ZNF423: variants seen among roughly 807,000 people sequenced by gnomAD.
ZNF423 encodes the protein zinc finger protein 423, also known as Ebf-associated zinc finger protein.
ZNF423 carries 12 observed loss-of-function variants against 95.8 expected under a neutral mutation model. The observed-to-expected ratio is 0.13, with a 90% CI of 0.08 to 0.20. ZNF423 has a LOEUF of 0.20. ZNF423 is among the 10% of genes least tolerant of loss of function. The probability of loss-of-function intolerance (pLI) is 1.00; values close to 1 mark genes in which losing one functional copy is unlikely to be tolerated. For missense variants in ZNF423, 1,316 were observed against 1,737.1 expected (o/e 0.76, Z 4.31); for synonymous variants, 749 against 711.9 (o/e 1.05, Z -0.83).
intron 5 of ZNF423, among the ~76,000 whole-genome samples, chr16:49,588,175 C>T (rs1474092696): frequency 6.6e-6 from 1 of 152,150 alleles, no homozygotes; most frequent in Admixed American, 6.5e-5. Context: ...AGTCTGAGAC[C>T]CTGTGAATCT....
intron 5 of ZNF423, among the ~76,000 whole-genome samples, chr16:49,613,924 G>A (rs1971799752): frequency 6.6e-6 from 1 of 151,592 alleles, no homozygotes; most frequent in South Asian, 2.1e-4. Flanking sequence ...TGCACCAAAG[G>A]TATAATCCAT....
intron 3 of ZNF423, among the ~76,000 whole-genome samples, chr16:49,687,279 A>G (rs2031601660): frequency 6.6e-6 from 1 of 151,794 alleles, no homozygotes; most frequent in Non-Finnish European, 1.5e-5. Flanking sequence ...ACAATTAGGA[A>G]AAACTCCCTC....
At chr16:49,593,008 C>G (rs1971059664) in intron 5 of ZNF423, among the ~76,000 whole-genome samples, 1 of 152,174 alleles carries the variant, frequency 6.6e-6, no homozygotes, top group Admixed American at 6.5e-5. Flanking sequence ...CTCACCCTCC[C>G]CAAACCAAAA....
At chr16:49,789,846 T>C (rs773488511) in intron 1 of ZNF423, among the ~76,000 whole-genome samples, 42 of 152,190 alleles carry the variant, frequency 2.8e-4, no homozygotes, top group Non-Finnish European at 1.2e-4. Flanking sequence ...ACCAATAAGG[T>C]TGCTCTCAGA....
chr16:49,752,112 T>G (rs1396541578), intron 2 of ZNF423, among the ~76,000 whole-genome samples: 1 of 152,242 alleles, frequency 6.6e-6, no homozygotes, highest in Non-Finnish European at 1.5e-5. Flanking sequence ...AGCAGAATTG[T>G]GTGGCCACAT....
chr16:49,678,188 T>C (rs1356757283), intron 3 of ZNF423, among the ~76,000 whole-genome samples: 1 of 152,182 alleles, frequency 6.6e-6, no homozygotes, highest in East Asian at 1.9e-4. Context: ...ATCTCAAAAA[T>C]AAAATAAAAT....
intron 3 of ZNF423, among the ~76,000 whole-genome samples, chr16:49,688,070 T>C (rs1405336395): frequency 5.1e-4 from 48 of 94,092 alleles, no homozygotes; most frequent in African/African-American, 1.5e-3. Flanking sequence ...TTTTTTTTTT[T>C]CGCAAGTCTC....
At chr16:49,526,198 G>A (rs1327784585) in intron 5 of ZNF423, among the ~76,000 whole-genome samples, 2 of 152,202 alleles carry the variant, frequency 1.3e-5, no homozygotes, top group Non-Finnish European at 2.9e-5. Flanking sequence ...AGCCCTGTCA[G>A]CCCCTGGAGG....
At chr16:49,684,924 T>A (rs752653241) in intron 3 of ZNF423, among the ~76,000 whole-genome samples, 9 of 152,076 alleles carry the variant, frequency 5.9e-5, no homozygotes, top group Non-Finnish European at 1.0e-4. Flanking sequence ...TTCCACGCAA[T>A]CTAGACAGCG....
intron 1 of ZNF423, among the ~76,000 whole-genome samples, chr16:49,789,781 C>T (rs923869100): frequency 6.6e-6 from 1 of 152,156 alleles, no homozygotes. Context: ...TATGGTTTCC[C>T]CAGCCCTGTG....
At chr16:49,815,953 C>A (rs2143993645) in intron 1 of ZNF423, among the ~76,000 whole-genome samples, 1 of 114,020 alleles carries the variant, frequency 8.8e-6, no homozygotes, top group South Asian at 3.1e-4. Flanking sequence ...AAGTCTCACT[C>A]TGTTGCCCAG....
At chr16:49,633,918 T>G (rs1206383068) in intron 4 of ZNF423, among the ~76,000 whole-genome samples, 1 of 152,030 alleles carries the variant, frequency 6.6e-6, no homozygotes, top group Non-Finnish European at 1.5e-5. Context: ...TCTTTCTTTT[T>G]TTTTTTGAGA....
At chr16:49,858,312 C>T (rs997487619), upstream of ZNF423, among the ~76,000 whole-genome samples, 1 of 150,940 alleles carries the variant, frequency 6.6e-6, no homozygotes, top group Non-Finnish European at 1.5e-5. The surrounding 1 kb of genome is among the most constrained non-coding windows in gnomAD (Gnocchi z 4.3). Flanking sequence ...GGGCCCGGCC[C>T]CGCTCAGCTC....
At chr16:49,773,063 A>G (rs1012190195) in intron 2 of ZNF423, among the ~76,000 whole-genome samples, 1 of 152,226 alleles carries the variant, frequency 6.6e-6, no homozygotes, top group Non-Finnish European at 1.5e-5. Flanking sequence ...TCATGCCTAT[A>G]ATCCCAGCAC....
At position 49,491,103 on chromosome 16, in the gene ZNF423, G is replaced by A. The variant is rs144119298; in HGVS notation, c.*172C>T. 1.4e-6 allele frequency: 1 copy of A among 726,004 alleles called. No homozygotes were observed. The highest frequency in any genetic ancestry group is 1.6e-5 in the South Asian group (1 of 61,338). The allele number at this position is 726,004 out of a possible 1,614,324, so 45.0% of individuals were successfully genotyped here. A position where few individuals can be genotyped will look rare whatever the true frequency, so the allele number is the denominator to read the frequency against. ...TGAGCATGGAATACTTTTAATCTCTGCCATTAATATTCATTTCCAGCTGCT... is the reference window on the plus strand; with the variant it reads ...TGAGCATGGAATACTTTTAATCTCTACCATTAATATTCATTTCCAGCTGCT... On this transcript the variant is annotated 3_prime_UTR_variant, in exon 8 of 8. Coordinates refer to ENST00000563137, the MANE Select transcript of ZNF423 (RefSeq NM_001379286.1).
chr16:49,506,055 CGT>C (rs985480778), intron 7 of ZNF423, among the ~76,000 whole-genome samples: 3 of 152,004 alleles, frequency 2.0e-5, no homozygotes, highest in Non-Finnish European at 2.9e-5. Flanking sequence ...TGTGTGCTTT[CGT>C]GTGTGTGTGT....
intron 3 of ZNF423, among the ~76,000 whole-genome samples, chr16:49,658,139 G>T (rs964080277): frequency 1.3e-5 from 2 of 152,218 alleles, no homozygotes; most frequent in Admixed American, 1.3e-4. Flanking sequence ...AAACTGGGCT[G>T]GGCAGCCCTA....
chr16:49,525,788 C>G (rs565692882), intron 5 of ZNF423, among the ~76,000 whole-genome samples: 2 of 152,288 alleles, frequency 1.3e-5, no homozygotes, highest in African/African-American at 4.8e-5. Context: ...CAGCTTGAGT[C>G]CCAAGACTGG....
chr16:49,855,000 G>A (rs1167400424), intron 1 of ZNF423: 15 of 984,814 alleles, frequency 1.5e-5, no homozygotes, highest in Non-Finnish European at 1.8e-5. Context: ...CACCGCGGCC[G>A]CTGAGCTCCC....
Sources: gnomAD v4.1 joint callset for allele counts (sites outside exome capture counted in the v4.1 genomes callset) on GRCh38, gnomAD v4.1.1 for gene constraint, Gnocchi (gnomAD v3.1) non-coding constraint, MANE v1.5 for transcripts, NCBI Gene and HGNC (gene_info 2026-07-23, HGNC 2026-07-21) for gene names.